The following PARVB variants were observed in gnomAD, a reference collection of about 807,000 sequenced individuals.
The protein encoded by PARVB is beta-parvin.
PARVB carries 46 observed loss-of-function variants against 47.0 expected under a neutral mutation model. That is an observed-to-expected ratio of 0.98 (90% CI 0.77 to 1.25). The LOEUF is 1.25. Ranked by LOEUF, PARVB falls within the 50% of genes most tolerant of loss-of-function variation. The pLI, the probability that PARVB is intolerant of heterozygous loss-of-function variation, is 0.00. For missense variants in PARVB, 473 were observed against 471.6 expected (o/e 1.00, Z -0.03); for synonymous variants, 196 against 196.3 (o/e 1.00, Z 0.01).
intron 6 of PARVB, among the ~76,000 whole-genome samples, chr22:44,135,797 G>T (rs937106239): frequency 6.6e-5 from 10 of 152,182 alleles, no homozygotes; most frequent in Non-Finnish European, 1.5e-4. Flanking sequence ...TCTGGTGGTG[G>T]CTGTCAGTCC....
chr22:44,055,678 C>CTCTCTCTCTCTCTCTCTCTATATA (rs1438284048), intron 1 of PARVB, among the ~76,000 whole-genome samples: 2 of 142,680 alleles, frequency 1.4e-5, no homozygotes, highest in African/African-American at 5.3e-5. Flanking sequence ...CTCTCTCTCT[C>CTCTCTCTCTCTCTCTCTCTATATA]TATATATATA....
chr22:44,027,032 T>G (rs9306472), intron 1 of PARVB, among the ~76,000 whole-genome samples: 1 of 151,356 alleles, frequency 6.6e-6, no homozygotes, highest in Non-Finnish European at 1.5e-5. Context: ...AGCTTCACGG[T>G]GGGCGTGATT....
intron 2 of PARVB, among the ~76,000 whole-genome samples, chr22:44,015,320 C>T (rs748665906): frequency 1.3e-5 from 2 of 152,044 alleles, no homozygotes; most frequent in Non-Finnish European, 2.9e-5. Context: ...CAAAGAGCAG[C>T]CTGAAAAATC....
chr22:44,022,911 T>TA (rs2050668068), upstream of PARVB, among the ~76,000 whole-genome samples: 1 of 151,722 alleles, frequency 6.6e-6, no homozygotes, highest in Non-Finnish European at 1.5e-5. Context: ...CATGCCCCGA[T>TA]AATTTTTGTA....
intron 1 of PARVB, among the ~76,000 whole-genome samples, chr22:44,055,920 T>A (rs2051302156): frequency 6.6e-6 from 1 of 152,124 alleles, no homozygotes; most frequent in Non-Finnish European, 1.5e-5. Context: ...TTGTACCCAG[T>A]CTACCGATTC....
chr22:44,076,758 C>CA (rs1314792042), intron 1 of PARVB, among the ~76,000 whole-genome samples: 1 of 152,022 alleles, frequency 6.6e-6, no homozygotes, highest in Non-Finnish European at 1.5e-5. Flanking sequence ...TGCTGAGGGC[C>CA]AGAAACATGC....
intron 1 of PARVB, among the ~76,000 whole-genome samples, chr22:44,090,166 A>T (rs1263749105): frequency 6.6e-6 from 1 of 152,188 alleles, no homozygotes; most frequent in Non-Finnish European, 1.5e-5. Context: ...ACAGATGGGG[A>T]AACTGAGGCT....
rs1193697949 is a variant in PARVB, at chr22:44,112,774, T to G, written c.274-6264T>G. On this transcript the variant is annotated intron_variant, in intron 3 of 12. Coordinates refer to ENST00000338758, the MANE Select transcript of PARVB (RefSeq NM_013327.5). ...TGCACCAACACAGATACATTGTTAC[T>G]AAGTAAGGCCCTGCACCAACACAGA... 3 of 51,392 alleles carry G rather than the reference T, an allele frequency of 5.8e-5. No individual in the cohort carries two copies. In the East Asian group the frequency reaches 2.4e-3, roughly 41 times the overall value. The allele number at this position is 51,392 out of a possible 1,614,324, so 3.2% of individuals were successfully genotyped here. A position where few individuals can be genotyped will look rare whatever the true frequency, so the allele number is the denominator to read the frequency against.
At chr22:44,050,858 T>C (rs1408165741) in intron 1 of PARVB, among the ~76,000 whole-genome samples, 1 of 152,152 alleles carries the variant, frequency 6.6e-6, no homozygotes, top group Non-Finnish European at 1.5e-5. Context: ...AAAGTGCAGG[T>C]ATGAAGTCAG....
intron 2 of PARVB, among the ~76,000 whole-genome samples, chr22:44,015,609 A>G (rs2050568247): frequency 6.6e-6 from 1 of 152,214 alleles, no homozygotes; most frequent in African/African-American, 2.4e-5. Flanking sequence ...ACCTGAGGTC[A>G]GGAGTTTGAG....
At chr22:44,095,594 C>T (rs2052285743) in intron 2 of PARVB, among the ~76,000 whole-genome samples, 1 of 152,184 alleles carries the variant, frequency 6.6e-6, no homozygotes, top group Non-Finnish European at 1.5e-5. Context: ...GCGGCCTGGG[C>T]TTGCAGGGTG....
At chr22:44,021,943 A>G (rs1481229582), upstream of PARVB, among the ~76,000 whole-genome samples, 2 of 152,130 alleles carry the variant, frequency 1.3e-5, no homozygotes, top group Non-Finnish European at 2.9e-5. Context: ...TGCAGCCTCC[A>G]AATGGAAATG....
chr22:44,163,937 C>G lies in PARVB; in HGVS notation c.1018+7C>G. 1 of 1,605,306 alleles carries G rather than the reference C, an allele frequency of 6.2e-7. No individual in the cohort carries two copies. The highest frequency in any genetic ancestry group is 2.2e-5 in the East Asian group (1 of 44,488). Reference sequence around the variant, plus strand: ...CCCAAGGCTCGTCCTGAAGGTAATGCCCCTGGCTCAGGTTCCCCCGGGAGA... The same window carrying G: ...CCCAAGGCTCGTCCTGAAGGTAATGGCCCTGGCTCAGGTTCCCCCGGGAGA... On this transcript the variant is annotated splice_region_variant and intron_variant, in intron 12 of 12. Coordinates refer to ENST00000338758, the MANE Select transcript of PARVB (RefSeq NM_013327.5).
rs573641409 is a variant in PARVB, at chr22:44,072,909, ACT to A, written c.113-21017_113-21016del. ...ACCCTGCAGGGCAAACTCCTTCAAG[ACT>A]CAGCTCCAGGAAGCCTCTCTGGACT... On this transcript the variant is annotated intron_variant, in intron 1 of 12. Transcript: ENST00000338758. Among the ~76,000 whole-genome samples the A allele has an allele frequency of 3.0e-3, 454 of 152,024 alleles. 2 individuals are homozygous for A. The highest frequency in any genetic ancestry group is 0.01 in the African/African-American group (434 of 41,448).
intron 1 of PARVB, among the ~76,000 whole-genome samples, chr22:44,093,407 C>A (rs925469895): frequency 8.5e-5 from 13 of 152,204 alleles, no homozygotes; most frequent in African/African-American, 2.9e-4. Flanking sequence ...CCATCCTGAC[C>A]CGGGTGTTCC....
At chr22:44,123,832 T>G (rs1040710514) in intron 4 of PARVB, among the ~76,000 whole-genome samples, 1 of 152,202 alleles carries the variant, frequency 6.6e-6, no homozygotes, top group African/African-American at 2.4e-5. Context: ...CGCCTGGCCA[T>G]AGTAGCTCCT....
Position 44,172,587 on chromosome 22 carries a change from C to T in PARVB, c.*3909C>T, listed in dbSNP as rs1253458404. On this transcript the variant is annotated 3_prime_UTR_variant, in exon 13 of 13. Coordinates refer to ENST00000338758, the MANE Select transcript of PARVB (RefSeq NM_013327.5). ...TGACGCCCACACAGTGTTATGCAAG[C>T]ACCGAGCCCAGAGTCCCGCTGGGCC... 4.8e-6 allele frequency: 1 copy of T among 207,374 alleles called. No homozygotes were observed. The highest frequency in any genetic ancestry group is 1.0e-5 in the Non-Finnish European group (1 of 99,988). 12.8% of individuals were successfully genotyped at this position (207,374 alleles called of 1,614,324 possible). A position where few individuals can be genotyped will look rare whatever the true frequency, so the allele number is the denominator to read the frequency against.
chr22:44,051,649 T>C (rs1340405400), intron 1 of PARVB, among the ~76,000 whole-genome samples: 2 of 152,154 alleles, frequency 1.3e-5, no homozygotes, highest in East Asian at 3.9e-4. Flanking sequence ...GGGGAGAGGA[T>C]TGTGCAGAAG....
intron 5 of PARVB, among the ~76,000 whole-genome samples, chr22:44,131,859 C>T (rs1319467323): frequency 6.6e-6 from 1 of 152,156 alleles, no homozygotes; most frequent in Non-Finnish European, 1.5e-5. Context: ...CTCCATCCTC[C>T]CCATGCTGCA....
Sources: gnomAD v4.1 joint callset for allele counts (sites outside exome capture counted in the v4.1 genomes callset) on GRCh38, gnomAD v4.1.1 for gene constraint, MANE v1.5 for transcripts, NCBI Gene and HGNC (gene_info 2026-07-23, HGNC 2026-07-21) for gene names.